Variants in AMPH observed in about 807,000 individuals in gnomAD.
AMPH encodes the protein amphiphysin.
A neutral mutation model predicts 99.1 loss-of-function variants in AMPH; 49 were observed. That is an observed-to-expected ratio of 0.49 (90% CI 0.39 to 0.63). The LOEUF is 0.63. Among genes scored for constraint, AMPH ranks in the 20% least tolerant of loss-of-function variants. The pLI is 0.00. For missense variants in AMPH, 759 were observed against 863.4 expected, an observed-to-expected ratio of 0.88 and a Z score of 1.52; for synonymous variants, 314 against 317.3, an observed-to-expected ratio of 0.99 and a Z score of 0.11.
intron 2 of AMPH, among the ~76,000 whole-genome samples, chr7:38,520,368 A>G (rs1447149858): frequency 6.6e-6 from 1 of 152,196 alleles, no homozygotes; most frequent in African/African-American, 2.4e-5. Flanking sequence ...GTTTACATAG[A>G]GTTTTTAAAA....
intron 11 of AMPH, among the ~76,000 whole-genome samples, chr7:38,446,575 T>C (rs1055927274): frequency 2.0e-5 from 3 of 152,230 alleles, no homozygotes; most frequent in Non-Finnish European, 4.4e-5. Context: ...CAAACTAATG[T>C]ATAGCAACAG....
At chr7:38,609,624 GGATC>G (rs1205035614) in intron 1 of AMPH, among the ~76,000 whole-genome samples, 10 of 152,076 alleles carry the variant, frequency 6.6e-5, no homozygotes, top group South Asian at 2.1e-4. Context: ...AGAAAGATCT[GGATC>G]TAAGGCTATC....
At chr7:38,619,645 C>T (rs1793988665) in intron 1 of AMPH, among the ~76,000 whole-genome samples, 1 of 152,196 alleles carries the variant, frequency 6.6e-6, no homozygotes, top group Non-Finnish European at 1.5e-5. Context: ...TGAGCCTCAA[C>T]AAATTTTAAA....
intron 9 of AMPH, chr7:38,464,108 A>G: frequency 7.8e-7 from 1 of 1,289,782 alleles, no homozygotes; most frequent in South Asian, 1.2e-5. Flanking sequence ...CTGCAGAGGA[A>G]TGTTGAAAAA....
At chr7:38,478,797 T>C (rs1309646264) in intron 5 of AMPH, among the ~76,000 whole-genome samples, 1 of 152,044 alleles carries the variant, frequency 6.6e-6, no homozygotes, top group Non-Finnish European at 1.5e-5. Context: ...ATGGAAACAC[T>C]AGAAATTTTA....
At chr7:38,622,563 A>G (rs373832072) in intron 1 of AMPH, among the ~76,000 whole-genome samples, 4 of 152,192 alleles carry the variant, frequency 2.6e-5, no homozygotes, top group African/African-American at 9.6e-5. Flanking sequence ...CCTCTAGGGT[A>G]GTGTTTTTCA....
chr7:38,572,873 C>T (rs7809622), intron 1 of AMPH, among the ~76,000 whole-genome samples: 2 of 152,110 alleles, frequency 1.3e-5, no homozygotes, highest in Admixed American at 1.3e-4. Context: ...GCAGAGGAAG[C>T]GTGAGCATGG....
chr7:38,574,112 C>T (rs555023714), intron 1 of AMPH, among the ~76,000 whole-genome samples: 3 of 152,282 alleles, frequency 2.0e-5, no homozygotes, highest in African/African-American at 7.2e-5. Flanking sequence ...TTTTGCTATC[C>T]TGAACAGTCA....
intron 11 of AMPH, among the ~76,000 whole-genome samples, chr7:38,438,647 G>C (rs1786385346): frequency 6.6e-6 from 1 of 152,162 alleles, no homozygotes; most frequent in Admixed American, 6.5e-5. Flanking sequence ...TGAGGCATCA[G>C]ACTATAATGG....
chr7:38,394,180 C>A lies in AMPH; in HGVS notation c.1433G>T (p.Gly478Val), dbSNP rs1332990833. ...CCCCTCAGCTGCTGACACCAAGGTTCCAACAGCTGCATCAGCATCAGCTCC... is the reference window on the plus strand; with the variant it reads ...CCCCTCAGCTGCTGACACCAAGGTTACAACAGCTGCATCAGCATCAGCTCC... ...IPGADADAAVGTLVSAAEGAP... is the reference protein window; with the variant it reads ...IPGADADAAVVTLVSAAEGAP... The change falls in exon 18 of 21, where the codon GGA (glycine) becomes GTA (valine). Residue 478 changes from glycine (G) to valine (V), a missense_variant. Coordinates refer to ENST00000356264, the MANE Select transcript of AMPH (RefSeq NM_001635.4). The A allele has an allele frequency of 6.2e-6, 10 of 1,614,116 alleles. No individual in the cohort carries two copies. The highest frequency in any genetic ancestry group is 6.8e-6 in the Non-Finnish European group (8 of 1,180,056).
intron 1 of AMPH, among the ~76,000 whole-genome samples, chr7:38,624,306 A>C (rs1174157589): frequency 6.6e-6 from 1 of 152,214 alleles, no homozygotes; most frequent in Non-Finnish European, 1.5e-5. Flanking sequence ...CACTTGGGAC[A>C]GAGAAAATGA....
intron 13 of AMPH, chr7:38,431,947 C>G (rs893274774): frequency 1.8e-6 from 1 of 563,044 alleles, no homozygotes; most frequent in Non-Finnish European, 3.3e-6. Flanking sequence ...AACTCTTGAC[C>G]ATTATTCAAA....
intron 1 of AMPH, among the ~76,000 whole-genome samples, chr7:38,613,510 C>T (rs1420585452): frequency 6.6e-6 from 1 of 152,140 alleles, no homozygotes; most frequent in Non-Finnish European, 1.5e-5. Flanking sequence ...AACAGATAAT[C>T]GGGATAATTT....
chr7:38,571,265 A>G lies in AMPH; in HGVS notation c.70-36254T>C, dbSNP rs1387088799. 1.8e-3 allele frequency among the ~76,000 whole-genome samples: 84 copies of G among 46,048 alleles called. 1 individual carries two copies. Among genetic ancestry groups the G allele is most frequent in the Non-Finnish European group, 2.8e-3 (72 of 25,970 alleles). 30.2% of individuals were successfully genotyped at this position (46,048 alleles called of 152,430 possible). On this transcript the variant is annotated intron_variant, in intron 1 of 20. Coordinates refer to ENST00000356264, the MANE Select transcript of AMPH (RefSeq NM_001635.4). ...AATTATAAATATATATTAAATATAT[A>G]TTTATATATATATTTTTATATATAT...
intron 9 of AMPH, among the ~76,000 whole-genome samples, chr7:38,464,437 A>C (rs1033922884): frequency 5.9e-5 from 9 of 152,236 alleles, no homozygotes; most frequent in African/African-American, 2.2e-4. Context: ...TAGTATAGAA[A>C]CCATAGCAGA....
At chr7:38,495,451 T>C (rs373845831) in intron 3 of AMPH, among the ~76,000 whole-genome samples, 7 of 152,262 alleles carry the variant, frequency 4.6e-5, no homozygotes, top group Admixed American at 3.3e-4. Context: ...CTGGACAAGA[T>C]GCATATCATC....
At chr7:38,395,779 GA>G (rs1210209715) in intron 17 of AMPH, among the ~76,000 whole-genome samples, 1 of 152,296 alleles carries the variant, frequency 6.6e-6, no homozygotes, top group Non-Finnish European at 1.5e-5. Context: ...TCAGAAAACA[GA>G]AAAGGACAAT....
At chr7:38,457,009 T>C (rs1392340409) in intron 11 of AMPH, among the ~76,000 whole-genome samples, 2 of 152,176 alleles carry the variant, frequency 1.3e-5, no homozygotes, top group Non-Finnish European at 2.9e-5. Flanking sequence ...GCCAAATAAA[T>C]TATACAAAGA....
At chr7:38,420,695 A>G (rs911912909) in intron 16 of AMPH, among the ~76,000 whole-genome samples, 1 of 126,646 alleles carries the variant, frequency 7.9e-6, no homozygotes, top group African/African-American at 2.5e-5. Context: ...CAGCAGGGGC[A>G]GAAGTCTAGT....
Sources: gnomAD v4.1 joint callset for allele counts (sites outside exome capture counted in the v4.1 genomes callset) on GRCh38, gnomAD v4.1.1 for gene constraint, MANE v1.5 for transcripts, NCBI Gene and HGNC (gene_info 2026-07-23, HGNC 2026-07-21) for gene names.